CRTC3: variants seen among roughly 807,000 people sequenced by gnomAD.
The protein encoded by CRTC3 is CREB-regulated transcription coactivator 3.
In CRTC3, 26 loss-of-function variants were observed where a neutral mutation model predicts 74.5. The ratio of observed to expected loss-of-function variants is 0.35; its 90% CI spans 0.26 to 0.48. The LOEUF (loss-of-function observed/expected upper bound fraction) is 0.48, where lower values mean the gene tolerates loss of function less well. Among genes scored for constraint, CRTC3 ranks in the 20% least tolerant of loss-of-function variants. The pLI is 0.99. For synonymous variants in CRTC3, 377 were observed against 325.8 expected (o/e 1.16, Z -1.69); for missense variants, 760 against 787.3 (o/e 0.97, Z 0.41).
At chr15:90,617,819 C>T (rs1407263049) in intron 7 of CRTC3, 64 bp from the exon 8 acceptor site, 4 of 1,119,540 alleles carry the variant, frequency 3.6e-6, no homozygotes, top group Non-Finnish European at 4.1e-6. Flanking sequence ...GCGTGAGCCA[C>T]CGTGCCCGGC....
At chr15:90,548,537 T>A (rs1421687165) in intron 2 of CRTC3, among the ~76,000 whole-genome samples, 1 of 152,200 alleles carries the variant, frequency 6.6e-6, no homozygotes, top group Non-Finnish European at 1.5e-5. Flanking sequence ...TCCATGGTTT[T>A]CCTTTACTGC....
At chr15:90,618,604 C>T (rs550380015) in intron 8 of CRTC3, among the ~76,000 whole-genome samples, 2 of 152,320 alleles carry the variant, frequency 1.3e-5, no homozygotes, top group East Asian at 3.8e-4. Flanking sequence ...AACAGTTAAT[C>T]TGTTCCAGCC....
chr15:90,626,084 T>C (rs1968825743), intron 10 of CRTC3, 91 bp downstream of exon 10: 5 of 926,490 alleles, frequency 5.4e-6, no homozygotes, highest in Non-Finnish European at 9.0e-6. Flanking sequence ...TGAATGAGAA[T>C]GACTGCATCC....
At chr15:90,551,019 C>G (rs1018383434) in intron 2 of CRTC3, among the ~76,000 whole-genome samples, 1 of 152,144 alleles carries the variant, frequency 6.6e-6, no homozygotes, top group Non-Finnish European at 1.5e-5. Flanking sequence ...AAGCACCGAT[C>G]TGTCCTCTAC....
At chr15:90,641,618 A>G (rs1166073914) in intron 14 of CRTC3, among the ~76,000 whole-genome samples, 2 of 151,546 alleles carry the variant, frequency 1.3e-5, no homozygotes, top group African/African-American at 4.9e-5. Context: ...AATGGCACCA[A>G]CCCAGGAGGT....
intron 2 of CRTC3, among the ~76,000 whole-genome samples, chr15:90,551,343 T>TC (rs397815823): frequency 6.7e-6 from 1 of 149,218 alleles, no homozygotes; most frequent in East Asian, 2.0e-4. Context: ...TTTTCTGTGC[T>TC]TCTTACTGTC....
Position 90,638,794 on chromosome 15 carries a change from A to G in CRTC3, c.1527A>G (p.Pro509=). 1 of 1,614,152 alleles carries G rather than the reference A, an allele frequency of 6.2e-7. No individual in the cohort carries two copies. The highest frequency in any genetic ancestry group is 8.5e-7 in the Non-Finnish European group (1 of 1,180,004). ...GTTTTGACCAGCAGTCCATGAGGCC[A>G]GGCCCTGCCTTTCCTCAACAGGTGG... The part of the protein sequence containing the change: ...DVGFDQQSMR[P]GPAFPQQVPL... The change falls in exon 13 of 15, where the codon CCA becomes CCG. Residue 509 remains proline (P), a synonymous_variant. Transcript: ENST00000268184.
At chr15:90,612,284 G>C (rs186507103) in intron 6 of CRTC3, among the ~76,000 whole-genome samples, 1 of 152,084 alleles carries the variant, frequency 6.6e-6, no homozygotes, top group Non-Finnish European at 1.5e-5. Context: ...CAGAGTTGCT[G>C]TGGGGATCCC....
intron 9 of CRTC3, among the ~76,000 whole-genome samples, chr15:90,622,673 A>C (rs148205897): frequency 1.2e-3 from 179 of 152,298 alleles, no homozygotes; most frequent in African/African-American, 3.9e-3. Context: ...CAACATGGCG[A>C]AACCCTGTCT....
chr15:90,626,113 T>A, intron 10 of CRTC3, 120 bp downstream of exon 10: 1 of 785,354 alleles, frequency 1.3e-6, no homozygotes, highest in South Asian at 1.5e-5. Context: ...GATGATAATG[T>A]ACCTTCTTGT....
intron 8 of CRTC3, among the ~76,000 whole-genome samples, 154 bp from the exon 9 acceptor site, chr15:90,619,587 G>T (rs1229222869): frequency 6.6e-6 from 1 of 152,198 alleles, no homozygotes; most frequent in East Asian, 1.9e-4. Flanking sequence ...AAAAAGTCAT[G>T]CCAAAACCTA....
intron 1 of CRTC3, among the ~76,000 whole-genome samples, chr15:90,531,841 C>G (rs1966632266): frequency 6.6e-6 from 1 of 152,136 alleles, no homozygotes; most frequent in Admixed American, 6.5e-5. Flanking sequence ...TCCAATCTTT[C>G]ACCCAATTCA....
chr15:90,603,261 G>A (rs1201041161), intron 4 of CRTC3, among the ~76,000 whole-genome samples: 10 of 149,240 alleles, frequency 6.7e-5, no homozygotes, highest in African/African-American at 2.2e-4. Context: ...CGCTAACACG[G>A]TGAAACCCCG....
chr15:90,625,893 C>A lies in CRTC3; in HGVS notation c.867C>A (p.Ser289=), dbSNP rs577237689. 9 of 1,614,194 alleles carry A rather than the reference C, an allele frequency of 5.6e-6. No individual in the cohort carries two copies. In the Admixed American group the frequency reaches 1.5e-4, roughly 27 times the overall value. The change falls in exon 10 of 15, where the codon TCC becomes TCA. Residue 289 remains serine, a synonymous_variant. Coordinates refer to ENST00000268184, the MANE Select transcript of CRTC3 (RefSeq NM_022769.5). ...NLHYSTPLPA[S]LDTTDHHFGS... ...ACTACTCGACACCCCTGCCAGCCTCCCTGGACACCACCGACCACCACTTTG... is the reference window on the plus strand; with the variant it reads ...ACTACTCGACACCCCTGCCAGCCTCACTGGACACCACCGACCACCACTTTG...
In CRTC3 at chr15:90,601,583, G is replaced by A. The variant is rs549868746; in HGVS notation, c.352-741G>A. Among the ~76,000 whole-genome samples the A allele has an allele frequency of 2.0e-5, 3 of 152,230 alleles. No homozygotes were observed. The East Asian group carries it at 5.8e-4, about 29-fold the overall frequency. ...CAGGAGAATTGCTTGAACCTGGGAG[G>A]TGGAGGTTGCAGTGAGCCGAGATTG... On this transcript the variant is annotated intron_variant, in intron 3 of 14. Coordinates refer to ENST00000268184, the MANE Select transcript of CRTC3 (RefSeq NM_022769.5).
chr15:90,615,927 C>T (rs1421348013), intron 7 of CRTC3, among the ~76,000 whole-genome samples: 4 of 151,604 alleles, frequency 2.6e-5, no homozygotes, highest in Non-Finnish European at 5.9e-5. Context: ...GGTGTGACCT[C>T]GGCTCACTGC....
chr15:90,627,910 C>G (rs1204988118), intron 10 of CRTC3, among the ~76,000 whole-genome samples: 1 of 141,558 alleles, frequency 7.1e-6, no homozygotes, highest in African/African-American at 2.6e-5. Flanking sequence ...CACGCCCAGC[C>G]GGCAAAATTA....
In CRTC3 at chr15:90,631,830, C is replaced by T. The variant is rs184444024; in HGVS notation, c.1266+2298C>T. 5.4e-3 allele frequency among the ~76,000 whole-genome samples: 826 copies of T among 152,248 alleles called. 4 individuals are homozygous for T. The highest frequency in any genetic ancestry group is 8.8e-3 in the Non-Finnish European group (598 of 68,018). On this transcript the variant is annotated intron_variant, in intron 11 of 14. Transcript: ENST00000268184. ...CTCCTGAGCTCAAGTGATCCTCGCACCTCAGCCTCCCAAAGGGCTGGAATT... is the reference window on the plus strand; with the variant it reads ...CTCCTGAGCTCAAGTGATCCTCGCATCTCAGCCTCCCAAAGGGCTGGAATT...
At chr15:90,545,678 G>T (rs538797410) in intron 2 of CRTC3, among the ~76,000 whole-genome samples, 6 of 152,160 alleles carry the variant, frequency 3.9e-5, no homozygotes, top group East Asian at 1.9e-4. Flanking sequence ...CTGGGTTCAA[G>T]CAATTCTCCT....
Sources: allele counts gnomAD v4.1 joint callset (sites outside exome capture counted in the v4.1 genomes callset), GRCh38; gene constraint gnomAD v4.1.1; transcripts MANE v1.5; gene names NCBI Gene and HGNC (gene_info 2026-07-23, HGNC 2026-07-21).